The following NBEA variants were observed in gnomAD, a reference collection of about 807,000 sequenced individuals.
NBEA encodes lysosomal-trafficking regulator 2.
Under a neutral mutation model 343.4 loss-of-function variants are expected in NBEA, and 44 were observed. The ratio of observed to expected loss-of-function variants is 0.13; its 90% CI spans 0.10 to 0.16. The LOEUF is 0.16. NBEA is among the 10% of genes least tolerant of loss of function. The pLI is 1.00. For missense variants in NBEA, 2,555 were observed against 3,631.3 expected (o/e 0.70, Z 7.62); for synonymous variants, 1,175 against 1,238.7 (o/e 0.95, Z 1.08).
chr13:35,408,807 C>T (rs950437545), intron 38 of NBEA, among the ~76,000 whole-genome samples: 1 of 152,170 alleles, frequency 6.6e-6, no homozygotes, highest in African/African-American at 2.4e-5. Context: ...GACACCATCT[C>T]ACACCCGTCA....
At chr13:35,273,029 C>A (rs562086504) in intron 34 of NBEA, among the ~76,000 whole-genome samples, 1 of 152,272 alleles carries the variant, frequency 6.6e-6, no homozygotes, top group South Asian at 2.1e-4. Flanking sequence ...GAACTCTCCA[C>A]CCCAAATCAA....
At chr13:35,076,573 G>A (rs903640503) in intron 10 of NBEA, among the ~76,000 whole-genome samples, 1 of 151,832 alleles carries the variant, frequency 6.6e-6, no homozygotes, top group African/African-American at 2.4e-5. Context: ...ATTTTTCTCT[G>A]TAAATTTTTC....
chr13:35,146,686 G>C (rs2068448757), intron 18 of NBEA, among the ~76,000 whole-genome samples: 1 of 152,076 alleles, frequency 6.6e-6, no homozygotes, highest in Non-Finnish European at 1.5e-5. Context: ...TGGTAGGTCT[G>C]CTTGGTCCAT....
intron 10 of NBEA, among the ~76,000 whole-genome samples, chr13:35,079,665 T>C (rs2064286326): frequency 6.6e-6 from 1 of 152,166 alleles, no homozygotes; most frequent in African/African-American, 2.4e-5. Context: ...GCATGGATGG[T>C]ATCTTTTTAC....
chr13:35,329,621 G>C (rs1188192150), intron 36 of NBEA, among the ~76,000 whole-genome samples: 1 of 151,918 alleles, frequency 6.6e-6, no homozygotes, highest in Non-Finnish European at 1.5e-5. Flanking sequence ...CCATTTATGT[G>C]ACATTCTATA....
intron 38 of NBEA, among the ~76,000 whole-genome samples, chr13:35,412,095 A>C (rs1005544604): frequency 2.0e-5 from 3 of 152,262 alleles, no homozygotes; most frequent in African/African-American, 7.2e-5. Flanking sequence ...ATTTTGGTGC[A>C]AAAAATTTGA....
intron 41 of NBEA, among the ~76,000 whole-genome samples, chr13:35,489,669 G>T (rs1413231358): frequency 6.6e-6 from 1 of 151,830 alleles, no homozygotes; most frequent in Non-Finnish European, 1.5e-5. Flanking sequence ...TTAGTCCCCA[G>T]GCTTGAGAAG....
Position 35,157,200 on chromosome 13 carries a change from A to G in NBEA, c.2774A>G (p.Tyr925Cys). Residue 925 changes from tyrosine to cysteine, a missense_variant, in exon 21 of 59, where the codon TAT (tyrosine) becomes TGT (cysteine). This residue lies in a region of NBEA where 360 missense variants were observed against 519.1 expected (regional missense o/e 0.69). Coordinates refer to ENST00000379939, the MANE Select transcript of NBEA (RefSeq NM_001385012.1). ...TACAATATCTTCCGGATTCTTTTGT[A>G]TCATGCAATAAAATATGAATGGGGA... Reference protein sequence around the residue: ...MVYNIFRILLYHAIKYEWGGW... With the variant: ...MVYNIFRILLCHAIKYEWGGW... The G allele has an allele frequency of 6.2e-7, 1 of 1,610,070 alleles. No homozygotes were observed. The highest frequency in any genetic ancestry group is 2.2e-5 in the East Asian group (1 of 44,804).
Position 35,665,182 on chromosome 13 carries a change from T to C in NBEA, c.8460T>C (p.Ala2820=). 6.3e-7 allele frequency: 1 copy of C among 1,583,076 alleles called. No individual in the cohort carries two copies. Among genetic ancestry groups the C allele is most frequent in the Non-Finnish European group, 8.6e-7 (1 of 1,161,858 alleles). The change falls in exon 56 of 59, where the codon GCT becomes GCC. Residue 2820 remains alanine, a synonymous_variant. Coordinates refer to ENST00000379939, the MANE Select transcript of NBEA (RefSeq NM_001385012.1). ...CAELGLVISG[A]KEGPCLVHTI... is the part of the protein sequence containing the mutation. ...AACTTGGGCTTGTTATCAGTGGTGC[T>C]AAAGGTCAGAAGTCATTTCTTTCAT...
At chr13:35,641,796 T>A (rs1484994533) in intron 49 of NBEA, among the ~76,000 whole-genome samples, 1 of 152,006 alleles carries the variant, frequency 6.6e-6, no homozygotes, top group Non-Finnish European at 1.5e-5. Context: ...TCCTCTGTCT[T>A]AATGTAGATG....
At chr13:35,102,799 T>G (rs1425950016) in intron 11 of NBEA, among the ~76,000 whole-genome samples, 1 of 151,788 alleles carries the variant, frequency 6.6e-6, no homozygotes, top group Non-Finnish European at 1.5e-5. Context: ...TCAGAAAAAT[T>G]TTTGTAGACA....
rs550803178 is a variant in NBEA at position 35,598,483 on chromosome 13, A to G, written c.7296+5036A>G. Among the ~76,000 whole-genome samples, 107 of 152,182 alleles carry G rather than the reference A, an allele frequency of 7.0e-4. 1 individual carries two copies. The highest frequency in any genetic ancestry group is 1.4e-3 in the Non-Finnish European group (96 of 68,032). ...AAATAAACATGGTTTGCAGCTGAGT[A>G]TCTTTCTCTGCATGCTTCCTGACCA... On this transcript the variant is annotated intron_variant, in intron 47 of 58. Transcript: ENST00000379939.
chr13:35,582,310 T>TA (rs533270234), intron 45 of NBEA, among the ~76,000 whole-genome samples: 2 of 151,924 alleles, frequency 1.3e-5, no homozygotes, highest in African/African-American at 4.8e-5. Context: ...ATAAATAAAA[T>TA]AAAAAAATAA....
intron 20 of NBEA, 69 bp from the exon 21 acceptor site, chr13:35,157,009 A>T (rs142879129): frequency 2.3e-5 from 29 of 1,279,622 alleles, no homozygotes; most frequent in Non-Finnish European, 3.1e-5. Context: ...TTATTTATCA[A>T]AGTTTCAAAA....
intron 44 of NBEA, among the ~76,000 whole-genome samples, chr13:35,564,768 A>G (rs1369377235): frequency 6.6e-6 from 1 of 152,192 alleles, no homozygotes; most frequent in Non-Finnish European, 1.5e-5. Context: ...AGACATTCAC[A>G]ATATCATTCT....
intron 39 of NBEA, among the ~76,000 whole-genome samples, chr13:35,437,225 A>G (rs2045490047): frequency 6.6e-6 from 1 of 152,166 alleles, no homozygotes; most frequent in Non-Finnish European, 1.5e-5. Flanking sequence ...TTTGGATTTC[A>G]TGACATTATT....
chr13:35,322,287 A>G (rs1312024477), intron 36 of NBEA, among the ~76,000 whole-genome samples: 2 of 152,274 alleles, frequency 1.3e-5, no homozygotes, highest in East Asian at 1.9e-4. Flanking sequence ...AAAGTGTAGT[A>G]TCTGGGCCGG....
intron 21 of NBEA, 109 bp from the exon 22 acceptor site, chr13:35,158,907 A>T: frequency 1.9e-6 from 2 of 1,034,742 alleles, no homozygotes; most frequent in Non-Finnish European, 2.7e-6. Flanking sequence ...TTGAAGTCTT[A>T]AACTTTCTGG....
intron 31 of NBEA, among the ~76,000 whole-genome samples, chr13:35,202,627 C>G (rs1474870057): frequency 6.6e-6 from 1 of 152,072 alleles, no homozygotes; most frequent in African/African-American, 2.4e-5. Flanking sequence ...ACCACTTTTC[C>G]TGTCCCTTTG....
Sources: gnomAD v4.1 joint callset for allele counts (sites outside exome capture counted in the v4.1 genomes callset) on GRCh38, gnomAD v4.1.1 for gene constraint, gnomAD v4.1.1 regional missense constraint, MANE v1.5 for transcripts, NCBI Gene and HGNC (gene_info 2026-07-23, HGNC 2026-07-21) for gene names.